The following NRXN3 variants were observed in gnomAD, a reference collection of about 807,000 sequenced individuals.
NRXN3 encodes neurexin III.
In NRXN3, 32 loss-of-function variants were observed where a neutral mutation model predicts 137.6. That is an observed-to-expected ratio of 0.23 (90% CI 0.18 to 0.31). The LOEUF is 0.31. Among genes scored for constraint, NRXN3 ranks in the 10% least tolerant of loss-of-function variants. NRXN3 has a pLI of 1.00. For synonymous variants in NRXN3, 798 were observed against 784.5 expected (o/e 1.02, Z -0.29); for missense variants, 1,574 against 2,062.5 (o/e 0.76, Z 4.59).
rs181781171 is a variant in NRXN3, at chr14:78,304,115, C to G, written c.757+6255C>G. Among the ~76,000 whole-genome samples the G allele has an allele frequency of 3.2e-4, 48 of 152,232 alleles. No individual in the cohort carries two copies. In the East Asian group the frequency reaches 7.3e-3, roughly 23 times the overall value. On this transcript the variant is annotated intron_variant, in intron 4 of 20. Coordinates refer to ENST00000335750, the MANE Select transcript of NRXN3 (RefSeq NM_001330195.2). The stretch of plus-strand genomic sequence containing the variant: ...ACTAACATGTACCCCTTTTCACAAC[C>G]CTCATGACCCCAAATCACTGAGCAA...
intron 16 of NRXN3, among the ~76,000 whole-genome samples, chr14:79,631,314 T>C (rs1297974704): frequency 6.6e-6 from 1 of 152,248 alleles, no homozygotes; most frequent in Non-Finnish European, 1.5e-5. Flanking sequence ...CTAGCAGCCC[T>C]CGCTCGCTCT....
At chr14:79,678,612 A>T (rs2098653375) in intron 17 of NRXN3, among the ~76,000 whole-genome samples, 1 of 152,146 alleles carries the variant, frequency 6.6e-6, no homozygotes. Context: ...TTCCAATATG[A>T]TTTTTAAAGG....
intron 20 of NRXN3, among the ~76,000 whole-genome samples, chr14:79,816,433 T>C (rs1447534098): frequency 1.3e-5 from 2 of 152,186 alleles, no homozygotes; most frequent in Non-Finnish European, 2.9e-5. Context: ...AATGGCAAAA[T>C]GAAGACAGTG....
chr14:79,479,930 T>G (rs548021323), intron 16 of NRXN3, among the ~76,000 whole-genome samples: 1 of 152,248 alleles, frequency 6.6e-6, no homozygotes, highest in South Asian at 2.1e-4. Flanking sequence ...AAGAAAAGAT[T>G]ATTGGATAAT....
At chr14:78,409,107 C>T (rs1181312732) in intron 4 of NRXN3, among the ~76,000 whole-genome samples, 1 of 152,210 alleles carries the variant, frequency 6.6e-6, no homozygotes. Context: ...AAGCTGGACA[C>T]TAGGCTGGTT....
At chr14:79,380,106 C>G (rs2094421946) in intron 15 of NRXN3, among the ~76,000 whole-genome samples, 1 of 150,362 alleles carries the variant, frequency 6.7e-6, no homozygotes, top group African/African-American at 2.4e-5. Flanking sequence ...AAGGGAAACA[C>G]CGGTGCACTG....
chr14:78,997,926 T>C (rs2153098431), intron 15 of NRXN3, among the ~76,000 whole-genome samples: 1 of 152,328 alleles, frequency 6.6e-6, no homozygotes, highest in Admixed American at 6.5e-5. Context: ...TTTCTCCAGC[T>C]CCATGTCAGC....
At chr14:79,838,352 C>T (rs2099348713) in intron 20 of NRXN3, among the ~76,000 whole-genome samples, 1 of 152,212 alleles carries the variant, frequency 6.6e-6, no homozygotes, top group African/African-American at 2.4e-5. Flanking sequence ...ACACATTAAA[C>T]TTACGCATAA....
At chr14:78,265,039 C>A (rs2071458267) in intron 2 of NRXN3, among the ~76,000 whole-genome samples, 1 of 152,208 alleles carries the variant, frequency 6.6e-6, no homozygotes, top group African/African-American at 2.4e-5. Flanking sequence ...ACAAAAGCTG[C>A]AGAAATTTGG....
At chr14:78,664,773 A>T (rs141204983) in intron 6 of NRXN3, among the ~76,000 whole-genome samples, 1 of 152,308 alleles carries the variant, frequency 6.6e-6, no homozygotes, top group East Asian at 1.9e-4. Context: ...TCCTCAATAG[A>T]CTGAGCTTCT....
chr14:79,182,166 C>T (rs61992559), intron 15 of NRXN3, among the ~76,000 whole-genome samples: 4,752 of 151,808 alleles, frequency 0.031, 143 homozygotes, highest in East Asian at 0.13. Flanking sequence ...TGTGTGAAGA[C>T]GATATTCTAA....
chr14:78,239,900 C>T (rs542304572), intron 1 of NRXN3, among the ~76,000 whole-genome samples: 1 of 152,094 alleles, frequency 6.6e-6, no homozygotes, highest in Non-Finnish European at 1.5e-5. Context: ...GATGGGGTTT[C>T]GCCACATTGG....
At chr14:78,561,828 C>T (rs1029820723) in intron 4 of NRXN3, among the ~76,000 whole-genome samples, 5 of 152,284 alleles carry the variant, frequency 3.3e-5, no homozygotes, top group Non-Finnish European at 5.9e-5. Context: ...TGGCAATTAA[C>T]GTTTCTGACA....
At chr14:78,203,594 G>A (rs1046675003) in intron 1 of NRXN3, among the ~76,000 whole-genome samples, 2 of 152,126 alleles carry the variant, frequency 1.3e-5, no homozygotes, top group Non-Finnish European at 2.9e-5. Context: ...ACCTGTGTTC[G>A]GAAACCTCAG....
intron 4 of NRXN3, among the ~76,000 whole-genome samples, chr14:78,528,640 C>A (rs932192776): frequency 2.6e-5 from 4 of 151,962 alleles, no homozygotes; most frequent in African/African-American, 9.7e-5. Context: ...AAAAAATTGC[C>A]CATGGAATTG....
At chr14:79,603,937 G>C (rs114217743) in intron 16 of NRXN3, among the ~76,000 whole-genome samples, 10,979 of 152,144 alleles carry the variant, frequency 0.072, 448 homozygotes, top group South Asian at 0.13. Context: ...ACCCAGGCTG[G>C]AATGCAGTGG....
At chr14:78,978,234 T>A (rs1054187472) in intron 14 of NRXN3, among the ~76,000 whole-genome samples, 1 of 152,140 alleles carries the variant, frequency 6.6e-6, no homozygotes, top group Non-Finnish European at 1.5e-5. Context: ...TGCTTAGCTT[T>A]GGTAAGGCAT....
chr14:79,249,420 A>G (rs1474795729), intron 15 of NRXN3, among the ~76,000 whole-genome samples: 1 of 152,166 alleles, frequency 6.6e-6, no homozygotes, highest in Non-Finnish European at 1.5e-5. Flanking sequence ...TAATGAAGGG[A>G]TTTATTTCCC....
chr14:78,435,289 T>G lies in NRXN3; in HGVS notation c.757+137429T>G, dbSNP rs114509548. Reference sequence around the variant, plus strand: ...ATCCAGACATAGTATTGGCCACTATTGATTGAGGGTCTGCTGTATGACAGG... The same window carrying G: ...ATCCAGACATAGTATTGGCCACTATGGATTGAGGGTCTGCTGTATGACAGG... On this transcript the variant is annotated intron_variant, in intron 4 of 20. Coordinates refer to ENST00000335750, the MANE Select transcript of NRXN3 (RefSeq NM_001330195.2). Among the ~76,000 whole-genome samples the G allele has an allele frequency of 3.5e-3, 527 of 152,288 alleles. 3 individuals carry two copies. The highest frequency in any genetic ancestry group is 0.011 in the African/African-American group (477 of 41,570).
Sources: allele counts gnomAD v4.1 joint callset (sites outside exome capture counted in the v4.1 genomes callset), GRCh38; gene constraint gnomAD v4.1.1; transcripts MANE v1.5; gene names NCBI Gene and HGNC (gene_info 2026-07-23, HGNC 2026-07-21).